ATG3: variants seen among roughly 807,000 people sequenced by gnomAD.
ATG3 encodes the protein autophagy related 3, also known as ubiquitin-like-conjugating enzyme ATG3.
Under a neutral mutation model 50.7 loss-of-function variants are expected in ATG3, and 25 were observed. That is an observed-to-expected ratio of 0.49 (90% CI 0.36 to 0.69). The LOEUF is 0.69. Among genes scored for constraint, ATG3 ranks in the 30% least tolerant of loss-of-function variants. The pLI is 0.00. For synonymous variants in ATG3, 119 were observed against 125.5 expected (o/e 0.95, Z 0.34); for missense variants, 281 against 376.0 (o/e 0.75, Z 2.09).
At chr3:112,552,672 G>T (rs1333967549) in intron 3 of ATG3, among the ~76,000 whole-genome samples, 1 of 147,924 alleles carries the variant, frequency 6.8e-6, no homozygotes, top group African/African-American at 2.5e-5. Context: ...TTTGAGACGG[G>T]AGCCTCTCAC....
intron 4 of ATG3, 74 bp from the exon 5 acceptor site, chr3:112,548,714 C>T (rs1395230168): frequency 1.2e-5 from 16 of 1,307,368 alleles, no homozygotes; most frequent in Non-Finnish European, 3.3e-6. Context: ...AAGAAGAGAG[C>T]TTAGTCCATA....
chr3:112,557,625 A>G (rs941455805), intron 2 of ATG3, among the ~76,000 whole-genome samples: 5 of 152,206 alleles, frequency 3.3e-5, no homozygotes, highest in African/African-American at 9.6e-5. Context: ...TCAAGAAAAA[A>G]AAATTAAAAA....
At chr3:112,558,093 A>G (rs1346802451) in intron 2 of ATG3, 1 of 381,792 alleles carries the variant, frequency 2.6e-6, no homozygotes, top group Non-Finnish European at 4.7e-6. Flanking sequence ...TATAACACCA[A>G]TACAAGTCAA....
At chr3:112,534,007 ATAT>A (rs1037532847) in intron 11 of ATG3, 8 of 1,197,852 alleles carry the variant, frequency 6.7e-6, no homozygotes, top group Non-Finnish European at 8.3e-6. Flanking sequence ...AAAGATACTC[ATAT>A]TATTATTCTA....
At chr3:112,550,667 G>C in intron 3 of ATG3, among the ~76,000 whole-genome samples, 1 of 151,956 alleles carries the variant, frequency 6.6e-6, no homozygotes, top group Non-Finnish European at 1.5e-5. Flanking sequence ...AACAAGAAAA[G>C]GCAGAAAAAA....
Position 112,534,346 on chromosome 3 carries a change from C to CAA in ATG3, c.795-11_795-10dup, listed in dbSNP as rs11381118. 38,282 of 1,252,356 alleles carry CAA rather than the reference C, an allele frequency of 0.031. 2 individuals carry two copies. The highest frequency in any genetic ancestry group is 0.034 in the Non-Finnish European group (32,209 of 936,908). The allele number at this position is 1,252,356 out of a possible 1,614,324, so 77.6% of individuals were successfully genotyped here. A position where few individuals can be genotyped will look rare whatever the true frequency, so the allele number is the denominator to read the frequency against. ...TCATCACCTCAGCATGCCTAGAAGCCAAAAAAAAAAAAAATTGTTAATGTA... is the reference window on the plus strand; with the variant it reads ...TCATCACCTCAGCATGCCTAGAAGCCAAAAAAAAAAAAAAAATTGTTAATGTA... On this transcript the variant is annotated splice_polypyrimidine_tract_variant and intron_variant, in intron 10 of 11. Transcript: ENST00000283290.
intron 7 of ATG3, among the ~76,000 whole-genome samples, chr3:112,539,123 A>G (rs1336798378): frequency 6.6e-6 from 1 of 152,054 alleles, no homozygotes; most frequent in Non-Finnish European, 1.5e-5. Flanking sequence ...AGCCACCATC[A>G]TTTCTTGCCT....
At position 112,532,631 on chromosome 3, in the gene ATG3, G is replaced by T; in HGVS notation, c.*68C>A. 1 of 1,205,006 alleles carries T rather than the reference G, an allele frequency of 8.3e-7. No individual in the cohort carries two copies. The highest frequency in any genetic ancestry group is 1.8e-5 in the South Asian group (1 of 55,610). The allele number at this position is 1,205,006 out of a possible 1,614,324, so 74.6% of individuals were successfully genotyped here. ...TATATATTGATGAATATGGTCAATG[G>T]TCACATCTATGGGTTAATTCTTTAA... is the stretch of plus-strand genomic sequence containing the variant. On this transcript the variant is annotated 3_prime_UTR_variant, in exon 12 of 12. Transcript: ENST00000283290.
intron 3 of ATG3, among the ~76,000 whole-genome samples, chr3:112,552,729 C>T (rs1250118457): frequency 1.3e-5 from 2 of 151,130 alleles, no homozygotes; most frequent in African/African-American, 4.9e-5. Flanking sequence ...CGGCTCACTG[C>T]AAGCTCCACC....
At chr3:112,536,270 A>T in intron 10 of ATG3, 1 of 560,410 alleles carries the variant, frequency 1.8e-6, no homozygotes, top group Non-Finnish European at 3.0e-6. Flanking sequence ...TTAACATATT[A>T]AACTTAAAAC....
intron 3 of ATG3, among the ~76,000 whole-genome samples, chr3:112,551,205 A>G (rs1295453743): frequency 1.3e-5 from 2 of 152,214 alleles, no homozygotes; most frequent in Admixed American, 6.5e-5. Flanking sequence ...GCTTCAGTCT[A>G]AAGTTCAAAC....
At chr3:112,560,640 T>C (rs1283472626) in intron 1 of ATG3, among the ~76,000 whole-genome samples, 1 of 152,046 alleles carries the variant, frequency 6.6e-6, no homozygotes, top group Non-Finnish European at 1.5e-5. Context: ...TTGCTCACTT[T>C]TCAGAAAGCA....
intron 6 of ATG3, among the ~76,000 whole-genome samples, chr3:112,542,236 T>C (rs1933251974): frequency 6.6e-6 from 1 of 152,116 alleles, no homozygotes; most frequent in Admixed American, 6.5e-5. Context: ...TGTGCACTTA[T>C]AAGGGGAAAA....
At position 112,541,761 on chromosome 3, in the gene ATG3, C is replaced by T. The variant is rs759920822; in HGVS notation, c.475+42G>A. ...CACATAAATTACAAATATTCTAAATCAATATTCTAGTGGAACTGAAGCAAA... is the reference window on the plus strand; with the variant it reads ...CACATAAATTACAAATATTCTAAATTAATATTCTAGTGGAACTGAAGCAAA... On this transcript the variant is annotated intron_variant, in intron 7 of 11. Coordinates refer to ENST00000283290, the MANE Select transcript of ATG3 (RefSeq NM_022488.5). The T allele has an allele frequency of 4.1e-6, 6 of 1,477,994 alleles. No individual in the cohort carries two copies. The African/African-American group carries it at 8.4e-5, about 21-fold the overall frequency. 91.6% of individuals were successfully genotyped at this position (1,477,994 alleles called of 1,614,324 possible).
rs1933890354 is a variant in ATG3, at chr3:112,561,653, A to AG, written c.-126dup. On this transcript the variant is annotated 5_prime_UTR_variant, in exon 1 of 12. Coordinates refer to ENST00000283290, the MANE Select transcript of ATG3 (RefSeq NM_022488.5). ...ATCAGCACCCGGCTGGCAGCACCCG[A>AG]GGGGACGGGACGCGACGCGACGGGA... 1 of 941,530 alleles carries AG rather than the reference A, an allele frequency of 1.1e-6. No individual in the cohort carries two copies. Among genetic ancestry groups the AG allele is most frequent in the African/African-American group, 1.7e-5 (1 of 58,700 alleles). The allele number at this position is 941,530 out of a possible 1,614,324, so 58.3% of individuals were successfully genotyped here. A position where few individuals can be genotyped will look rare whatever the true frequency, so the allele number is the denominator to read the frequency against.
rs527764185 is a variant in ATG3, at chr3:112,556,627, A to C, written c.114+1749T>G. 9.9e-5 allele frequency among the ~76,000 whole-genome samples: 15 copies of C among 152,234 alleles called. No homozygotes were observed. In the South Asian group the frequency reaches 1.5e-3, roughly 15 times the overall value. ...AAGATTGAGAAATCGGATGGTTGCCATGTCTGTGTAGAAAGAGGTAGACAT... is the reference window on the plus strand; with the variant it reads ...AAGATTGAGAAATCGGATGGTTGCCCTGTCTGTGTAGAAAGAGGTAGACAT... On this transcript the variant is annotated intron_variant, in intron 2 of 11. Transcript: ENST00000283290.
chr3:112,548,711 G>A, intron 4 of ATG3, 71 bp from the exon 5 acceptor site: 1 of 1,325,404 alleles, frequency 7.5e-7, no homozygotes, highest in South Asian at 1.2e-5. Context: ...AGAAAGAAGA[G>A]AGCTTAGTCC....
At chr3:112,534,369 G>A in intron 10 of ATG3, 32 bp from the exon 11 acceptor site, 1 of 1,483,218 alleles carries the variant, frequency 6.7e-7, no homozygotes, top group South Asian at 1.3e-5. Context: ...AATTGTTAAT[G>A]TAGATCGATT....
chr3:112,537,741 A>G lies in ATG3; in HGVS notation c.660T>C (p.Tyr220=). 1.3e-6 allele frequency: 2 copies of G among 1,571,682 alleles called. No homozygotes were observed. The highest frequency in any genetic ancestry group is 1.7e-6 in the Non-Finnish European group (2 of 1,164,404). The change falls in exon 9 of 12, where the codon TAT becomes TAC. Residue 220 remains tyrosine, a synonymous_variant. Transcript: ENST00000283290. ...YQTPRLWLFG[Y]DEQRQPLTVE... is the part of the protein sequence containing the mutation. Reference sequence around the variant, plus strand: ...TAATGCTTTTCATTTTTACCTCATCATAGCCAAACAACCATAATCGTGGAG... The same window carrying G: ...TAATGCTTTTCATTTTTACCTCATCGTAGCCAAACAACCATAATCGTGGAG...
Sources: gnomAD v4.1 joint callset for allele counts (sites outside exome capture counted in the v4.1 genomes callset) on GRCh38, gnomAD v4.1.1 for gene constraint, MANE v1.5 for transcripts, NCBI Gene and HGNC (gene_info 2026-07-23, HGNC 2026-07-21) for gene names.